The following DPP10 variants were observed in gnomAD, a reference collection of about 807,000 sequenced individuals.
The protein encoded by DPP10 is dipeptidyl peptidase like 10.
DPP10 carries 33 observed loss-of-function variants against 120.9 expected under a neutral mutation model. The observed-to-expected ratio is 0.27, with a 90% CI of 0.21 to 0.37. The LOEUF (loss-of-function observed/expected upper bound fraction) is 0.37, where lower values mean the gene tolerates loss of function less well. Ranked by LOEUF, DPP10 falls within the 10% of genes least tolerant of loss-of-function variation. DPP10 has a pLI of 1.00. For missense variants in DPP10, 816 were observed against 942.8 expected, an observed-to-expected ratio of 0.87 and a Z score of 1.76; for synonymous variants, 337 against 326.1, an observed-to-expected ratio of 1.03 and a Z score of -0.36.
chr2:115,166,745 A>G (rs1349063150), intron 1 of DPP10, among the ~76,000 whole-genome samples: 1 of 151,886 alleles, frequency 6.6e-6, no homozygotes, highest in African/African-American at 2.4e-5. Context: ...TTGTATTATT[A>G]AATATCAATG....
chr2:115,603,002 C>G (rs2083428813), intron 5 of DPP10, among the ~76,000 whole-genome samples: 4 of 152,002 alleles, frequency 2.6e-5, no homozygotes, highest in African/African-American at 7.3e-5. Context: ...TGGCATGTTA[C>G]CTTCGGAAAG....
intron 1 of DPP10, among the ~76,000 whole-genome samples, chr2:114,468,979 A>G (rs1376157630): frequency 6.6e-6 from 1 of 152,218 alleles, no homozygotes; most frequent in Non-Finnish European, 1.5e-5. Flanking sequence ...GACAAATGAA[A>G]ATGGGCTTCC....
intron 5 of DPP10, among the ~76,000 whole-genome samples, chr2:115,686,263 T>C (rs764867656): frequency 7.2e-5 from 11 of 152,090 alleles, no homozygotes; most frequent in Non-Finnish European, 1.2e-4. Flanking sequence ...GCAAGAATGC[T>C]GTGATGTGCC....
intron 4 of DPP10, 46 bp from the exon 5 acceptor site, chr2:115,525,852 T>C (rs780772857): frequency 7.0e-7 from 1 of 1,424,546 alleles, no homozygotes; most frequent in Non-Finnish European, 9.6e-7. Flanking sequence ...TCCAAATTCA[T>C]GTTAAGAAGT....
intron 1 of DPP10, among the ~76,000 whole-genome samples, chr2:115,176,404 C>A (rs1217841781): frequency 6.7e-6 from 1 of 150,172 alleles, no homozygotes; most frequent in Non-Finnish European, 1.5e-5. Context: ...CTCACCATAA[C>A]CTTATGTAAT....
intron 5 of DPP10, among the ~76,000 whole-genome samples, chr2:115,650,591 C>G (rs1311776037): frequency 6.6e-6 from 1 of 152,022 alleles, no homozygotes; most frequent in East Asian, 1.9e-4. Flanking sequence ...AATCCACCTC[C>G]TAAGAAAGAC....
At chr2:115,212,201 A>G (rs971223709) in intron 1 of DPP10, among the ~76,000 whole-genome samples, 1 of 152,100 alleles carries the variant, frequency 6.6e-6, no homozygotes, top group Non-Finnish European at 1.5e-5. Context: ...GCTTTAGAGA[A>G]CATGCTGGAG....
intron 1 of DPP10, among the ~76,000 whole-genome samples, chr2:114,569,598 T>C (rs924712540): frequency 1.3e-5 from 2 of 152,208 alleles, no homozygotes; most frequent in African/African-American, 4.8e-5. Context: ...CAGGTTATTA[T>C]TGTCCCCTGA....
chr2:114,492,158 C>G (rs978869222), intron 1 of DPP10, among the ~76,000 whole-genome samples: 6 of 152,064 alleles, frequency 3.9e-5, no homozygotes, highest in African/African-American at 1.4e-4. Flanking sequence ...CATTCATACT[C>G]TAAATATTAT....
At chr2:114,507,394 A>G (rs1189454037) in intron 1 of DPP10, among the ~76,000 whole-genome samples, 2 of 152,038 alleles carry the variant, frequency 1.3e-5, no homozygotes, top group South Asian at 2.1e-4. Flanking sequence ...TTAACATTCC[A>G]TGTTATACAA....
intron 5 of DPP10, among the ~76,000 whole-genome samples, chr2:115,631,128 A>G (rs993988872): frequency 6.8e-6 from 1 of 148,058 alleles, no homozygotes; most frequent in Non-Finnish European, 1.5e-5. Flanking sequence ...CAAGGATTCA[A>G]CTTCTTCCTC....
chr2:114,790,345 TTTAA>T (rs777042258), intron 1 of DPP10, among the ~76,000 whole-genome samples: 4 of 152,230 alleles, frequency 2.6e-5, no homozygotes, highest in Non-Finnish European at 4.4e-5. Context: ...GTTATGCTTG[TTTAA>T]TTAGGTAATT....
At chr2:114,804,961 C>T (rs1684593384) in intron 1 of DPP10, among the ~76,000 whole-genome samples, 1 of 152,116 alleles carries the variant, frequency 6.6e-6, no homozygotes, top group African/African-American at 2.4e-5. Flanking sequence ...AATTGTATCT[C>T]CCAGAATTCC....
At chr2:115,005,110 T>A (rs1701723649) in intron 1 of DPP10, among the ~76,000 whole-genome samples, 1 of 150,328 alleles carries the variant, frequency 6.7e-6, no homozygotes, top group Non-Finnish European at 1.5e-5. Context: ...AGGGGCACAC[T>A]GACACCTCAC....
intron 5 of DPP10, among the ~76,000 whole-genome samples, chr2:115,575,071 T>C (rs183511361): frequency 1.5e-4 from 23 of 152,300 alleles, no homozygotes; most frequent in Admixed American, 1.4e-3. Flanking sequence ...CTTCCTGTGA[T>C]TGACCATACA....
At chr2:115,233,544 G>A (rs970172169) in intron 1 of DPP10, among the ~76,000 whole-genome samples, 61 of 151,908 alleles carry the variant, frequency 4.0e-4, no homozygotes, top group African/African-American at 1.4e-3. Flanking sequence ...GCCTTCATGT[G>A]CTCCTTGCTT....
chr2:115,361,249 C>T (rs2064745353), intron 3 of DPP10, among the ~76,000 whole-genome samples: 1 of 152,008 alleles, frequency 6.6e-6, no homozygotes, highest in African/African-American at 2.4e-5. Flanking sequence ...AAGATCTCAG[C>T]TCAATACCCC....
At chr2:115,555,275 G>A (rs1049054419) in intron 5 of DPP10, among the ~76,000 whole-genome samples, 5 of 152,032 alleles carry the variant, frequency 3.3e-5, no homozygotes, top group African/African-American at 7.2e-5. Context: ...GCCCTCTTAC[G>A]TTTGGAGCTG....
chr2:115,577,035 G>A (rs1362636121), intron 5 of DPP10, among the ~76,000 whole-genome samples: 3 of 152,180 alleles, frequency 2.0e-5, no homozygotes, highest in African/African-American at 7.2e-5. Context: ...AAATATGGGA[G>A]TATTGAAGGA....
Sources: gnomAD v4.1 joint callset for allele counts (sites outside exome capture counted in the v4.1 genomes callset) on GRCh38, gnomAD v4.1.1 for gene constraint, MANE v1.5 for transcripts, NCBI Gene and HGNC (gene_info 2026-07-23, HGNC 2026-07-21) for gene names.